PRIMA1: variants seen among roughly 807,000 people sequenced by gnomAD.
PRIMA1 encodes the protein proline rich membrane anchor 1, also known as proline-rich membrane anchor 1.
In PRIMA1, 7 loss-of-function variants were observed where a neutral mutation model predicts 17.5. The observed-to-expected ratio is 0.40, with a 90% CI of 0.23 to 0.75. The LOEUF is 0.75. PRIMA1 is among the 30% of genes least tolerant of loss of function. The probability of loss-of-function intolerance (pLI) is 0.37; values close to 1 mark genes in which losing one functional copy is unlikely to be tolerated. For synonymous variants in PRIMA1, 97 were observed against 77.9 expected (o/e 1.25, Z -1.29); for missense variants, 200 against 201.8 (o/e 0.99, Z 0.05).
intron 3 of PRIMA1, among the ~76,000 whole-genome samples, chr14:93,747,317 T>C (rs771805131): frequency 6.6e-6 from 1 of 152,054 alleles, no homozygotes; most frequent in African/African-American, 2.4e-5. Flanking sequence ...GAGCCAGCCA[T>C]GGGATGGTGC....
intron 4 of PRIMA1, among the ~76,000 whole-genome samples, chr14:93,730,266 G>C (rs1471343809): frequency 2.0e-5 from 3 of 152,222 alleles, no homozygotes; most frequent in African/African-American, 7.2e-5. Flanking sequence ...GTGGGCACAC[G>C]AACACCGACA....
At chr14:93,742,051 T>C (rs908862664) in intron 3 of PRIMA1, among the ~76,000 whole-genome samples, 1 of 152,240 alleles carries the variant, frequency 6.6e-6, no homozygotes, top group Non-Finnish European at 1.5e-5. Flanking sequence ...CTTCTCATTA[T>C]GAGATGCATC....
chr14:93,763,242 C>G (rs1347933476), intron 3 of PRIMA1, among the ~76,000 whole-genome samples: 1 of 152,204 alleles, frequency 6.6e-6, no homozygotes, highest in Non-Finnish European at 1.5e-5. Flanking sequence ...CCCCTGCCTC[C>G]CGAGCCTCAG....
At chr14:93,733,477 C>T (rs577343093) in intron 4 of PRIMA1, among the ~76,000 whole-genome samples, 4 of 152,266 alleles carry the variant, frequency 2.6e-5, no homozygotes, top group Admixed American at 6.5e-5. Context: ...CCCTCGGTGC[C>T]GCCCGTCCCT....
At chr14:93,752,504 C>T (rs2076266313) in intron 3 of PRIMA1, among the ~76,000 whole-genome samples, 1 of 152,188 alleles carries the variant, frequency 6.6e-6, no homozygotes, top group Admixed American at 6.5e-5. Context: ...ACTAAGTACT[C>T]ACTATATCTT....
chr14:93,773,970 T>C (rs1165256046), intron 3 of PRIMA1, among the ~76,000 whole-genome samples: 1 of 152,136 alleles, frequency 6.6e-6, no homozygotes, highest in Admixed American at 6.5e-5. Context: ...CTCATGCCTG[T>C]AATCCCAGCT....
intron 3 of PRIMA1, among the ~76,000 whole-genome samples, chr14:93,739,166 C>T (rs1264247067): frequency 3.3e-5 from 5 of 152,106 alleles, no homozygotes; most frequent in African/African-American, 9.7e-5. Flanking sequence ...GATTCTCCTG[C>T]CTCAGCCTCC....
chr14:93,788,137 C>A (rs1458698744), intron 1 of PRIMA1, among the ~76,000 whole-genome samples: 3 of 152,200 alleles, frequency 2.0e-5, no homozygotes, highest in Admixed American at 2.0e-4. Context: ...CCTGCGCGCA[C>A]AACCACAGAA....
chr14:93,779,296 G>A lies in PRIMA1; in HGVS notation c.109C>T (p.Pro37Ser), dbSNP rs768986469. 1 of 1,555,164 alleles carries A rather than the reference G, an allele frequency of 6.4e-7. No individual in the cohort carries two copies. The highest frequency in any genetic ancestry group is 8.7e-7 in the Non-Finnish European group (1 of 1,155,572). The part of the protein sequence containing the change: ...WGFVQVTHGE[P>S]QKSCSKVTDS... ...GTCACTTTGGAGCAGGACTTCTGGG[G>A]CTCACCATGCGTCACCTGTACACAT... Residue 37 changes from proline (P) to serine (S), a missense_variant, in exon 3 of 5, where the codon CCC becomes TCC. By Grantham distance (74) the Pro-to-Ser change is moderately conservative. Transcript: ENST00000393140.
At chr14:93,732,318 T>A (rs1274433731) in intron 4 of PRIMA1, among the ~76,000 whole-genome samples, 1 of 152,172 alleles carries the variant, frequency 6.6e-6, no homozygotes, top group African/African-American at 2.4e-5. Context: ...TCCCTGCAAG[T>A]GCACAGGCCT....
At chr14:93,741,834 CCA>C (rs2076186207) in intron 3 of PRIMA1, among the ~76,000 whole-genome samples, 1 of 152,092 alleles carries the variant, frequency 6.6e-6, no homozygotes, top group Admixed American at 6.6e-5. Context: ...CCTCTACCTC[CCA>C]GCCAAGATTC....
In PRIMA1 at chr14:93,719,512, G is replaced by A. The variant is rs1351553174; in HGVS notation, c.*1932C>T. ...GCACTTTCTCATGGTTGCAGCACAG[G>A]GTGGTGTGTGCTTAGGGCTAGGGTC... On this transcript the variant is annotated 3_prime_UTR_variant, in exon 5 of 5. Transcript: ENST00000393140. 2.0e-5 allele frequency: 3 copies of A among 152,544 alleles called. No homozygotes were observed. The highest frequency in any genetic ancestry group is 4.4e-5 in the Non-Finnish European group (3 of 68,292). 9.4% of individuals were successfully genotyped at this position (152,544 alleles called of 1,614,324 possible).
intron 3 of PRIMA1, among the ~76,000 whole-genome samples, chr14:93,769,787 T>A (rs1048927737): frequency 6.6e-6 from 1 of 152,202 alleles, no homozygotes; most frequent in Admixed American, 6.5e-5. Flanking sequence ...ATTCATTTGA[T>A]GATGATGAAG....
At chr14:93,750,222 A>T (rs1410836553) in intron 3 of PRIMA1, among the ~76,000 whole-genome samples, 3 of 152,138 alleles carry the variant, frequency 2.0e-5, no homozygotes, top group African/African-American at 7.2e-5. Context: ...GAGACAAAAA[A>T]TAGTGCGACA....
At chr14:93,733,557 A>C (rs1413388163) in intron 4 of PRIMA1, among the ~76,000 whole-genome samples, 1 of 151,782 alleles carries the variant, frequency 6.6e-6, no homozygotes, top group Non-Finnish European at 1.5e-5. Flanking sequence ...CTCCTCCCTG[A>C]CCTACCCGAT....
chr14:93,756,644 C>T (rs2076292410), intron 3 of PRIMA1, among the ~76,000 whole-genome samples: 1 of 152,144 alleles, frequency 6.6e-6, no homozygotes, highest in South Asian at 2.1e-4. Context: ...GCATCGGCCC[C>T]AGCACGTCCC....
intron 3 of PRIMA1, among the ~76,000 whole-genome samples, chr14:93,739,847 C>T (rs2076173902): frequency 6.6e-6 from 1 of 152,124 alleles, no homozygotes; most frequent in South Asian, 2.1e-4. Context: ...AGGTGGATCA[C>T]CTGAGGTCAG....
chr14:93,785,321 TG>T (rs1353981366), intron 2 of PRIMA1, among the ~76,000 whole-genome samples: 1 of 152,200 alleles, frequency 6.6e-6, no homozygotes, highest in Non-Finnish European at 1.5e-5. Context: ...ACCAACTTTC[TG>T]GCAATTTAAA....
chr14:93,773,191 C>T (rs1290135944), intron 3 of PRIMA1, among the ~76,000 whole-genome samples: 1 of 152,216 alleles, frequency 6.6e-6, no homozygotes, highest in Non-Finnish European at 1.5e-5. Context: ...CACAAAGTTT[C>T]TGCCCAGGAT....
Sources: allele counts gnomAD v4.1 joint callset (sites outside exome capture counted in the v4.1 genomes callset), GRCh38; gene constraint gnomAD v4.1.1; transcripts MANE v1.5; gene names NCBI Gene and HGNC (gene_info 2026-07-23, HGNC 2026-07-21).